Variants in DIAPH3 observed in about 807,000 individuals in gnomAD.
DIAPH3 encodes the protein diaphanous related formin 3.
DIAPH3 carries 117 observed loss-of-function variants against 144.3 expected under a neutral mutation model. That is an observed-to-expected ratio of 0.81 (90% CI 0.70 to 0.95). The LOEUF (loss-of-function observed/expected upper bound fraction) is 0.95. Among genes scored for constraint, DIAPH3 ranks in the 40% least tolerant of loss-of-function variants. The pLI is 0.00. For synonymous variants in DIAPH3, 519 were observed against 488.9 expected, an observed-to-expected ratio of 1.06 and a Z score of -0.81; for missense variants, 1,421 against 1,412.7, an observed-to-expected ratio of 1.01 and a Z score of -0.09.
intron 27 of DIAPH3, among the ~76,000 whole-genome samples, chr13:59,767,002 T>C (rs1176680967): frequency 6.6e-6 from 1 of 152,164 alleles, no homozygotes; most frequent in Non-Finnish European, 1.5e-5. Flanking sequence ...CCAACTTCTT[T>C]GTCACTGGTG....
chr13:59,931,710 A>G (rs2048028029), intron 17 of DIAPH3, among the ~76,000 whole-genome samples: 1 of 152,202 alleles, frequency 6.6e-6, no homozygotes, highest in African/African-American at 2.4e-5. Context: ...TAAAGAGGAT[A>G]CTCAGGCTTA....
intron 5 of DIAPH3, among the ~76,000 whole-genome samples, chr13:60,039,257 G>C (rs951421611): frequency 2.0e-5 from 3 of 151,870 alleles, no homozygotes; most frequent in Non-Finnish European, 1.5e-5. Flanking sequence ...GAGCCAAGAG[G>C]GGAGAGCTAA....
At chr13:59,684,045 G>A (rs1325238397) in intron 27 of DIAPH3, among the ~76,000 whole-genome samples, 1 of 151,750 alleles carries the variant, frequency 6.6e-6, no homozygotes, top group Admixed American at 6.6e-5. Context: ...CATTCTGCAG[G>A]GGGAGGAAAA....
At chr13:59,796,176 C>T (rs341555) in intron 25 of DIAPH3, among the ~76,000 whole-genome samples, 21,252 of 152,028 alleles carry the variant, frequency 0.14, 1,710 homozygotes, top group East Asian at 0.38. Context: ...GCTTATGGGG[C>T]GTAAATGGTG....
intron 4 of DIAPH3, among the ~76,000 whole-genome samples, chr13:60,078,498 G>C (rs937871293): frequency 2.0e-5 from 3 of 151,988 alleles, no homozygotes; most frequent in Non-Finnish European, 4.4e-5. Context: ...GAGGGAATAT[G>C]GTTAAGTTCA....
At chr13:60,103,037 T>G (rs2058316639) in intron 3 of DIAPH3, among the ~76,000 whole-genome samples, 2 of 151,978 alleles carry the variant, frequency 1.3e-5, no homozygotes, top group Non-Finnish European at 1.5e-5. Context: ...GGCCAGAAGT[T>G]CCCACACACC....
At position 59,974,441 on chromosome 13, in the gene DIAPH3, TAAACTCTTTTTC is replaced by T; in HGVS notation, c.1549_1560del (p.Glu517_Phe520del). 6.2e-7 allele frequency: 1 copy of T among 1,610,450 alleles called. No individual in the cohort carries two copies. The highest frequency in any genetic ancestry group is 8.5e-7 in the Non-Finnish European group (1 of 1,179,040). On this transcript the variant is annotated inframe_deletion, in exon 15 of 28. Coordinates refer to ENST00000400324, the MANE Select transcript of DIAPH3 (RefSeq NM_001042517.2). Reference sequence around the variant, plus strand: ...TCAGCCTGAGTTTCTTGGTGGTCGGTAAACTCTTTTTCAAACTGAAACAAATTAAAAATAATA... The same window carrying T: ...TCAGCCTGAGTTTCTTGGTGGTCGGTAAACTGAAACAAATTAAAAATAATA...
intron 1 of DIAPH3, among the ~76,000 whole-genome samples, chr13:60,138,331 C>G (rs139959381): frequency 1.1e-4 from 17 of 152,308 alleles, no homozygotes; most frequent in African/African-American, 4.1e-4. Context: ...AAACCCTACT[C>G]CATACTCCAC....
intron 27 of DIAPH3, among the ~76,000 whole-genome samples, chr13:59,731,972 C>T (rs543036447): frequency 6.6e-6 from 1 of 152,196 alleles, no homozygotes; most frequent in Non-Finnish European, 1.5e-5. Flanking sequence ...AGAACTGATT[C>T]ACTGTGCTAA....
At chr13:59,733,231 T>C (rs956881662) in intron 27 of DIAPH3, among the ~76,000 whole-genome samples, 3 of 152,168 alleles carry the variant, frequency 2.0e-5, no homozygotes, top group African/African-American at 7.2e-5. Context: ...TTAAAAAGTG[T>C]TTAACAGATA....
At chr13:60,041,944 T>C (rs989854760) in intron 5 of DIAPH3, among the ~76,000 whole-genome samples, 1 of 152,134 alleles carries the variant, frequency 6.6e-6, no homozygotes, top group African/African-American at 2.4e-5. Flanking sequence ...ACAATTAACA[T>C]ACATGATATA....
chr13:59,852,233 G>T (rs1189138765), intron 22 of DIAPH3, among the ~76,000 whole-genome samples: 1 of 152,116 alleles, frequency 6.6e-6, no homozygotes, highest in African/African-American at 2.4e-5. Flanking sequence ...CTCTTCTGAG[G>T]GGAGAAAGGA....
intron 22 of DIAPH3, among the ~76,000 whole-genome samples, chr13:59,854,465 C>T (rs1317641563): frequency 6.6e-6 from 1 of 152,100 alleles, no homozygotes; most frequent in African/African-American, 2.4e-5. Flanking sequence ...ATCTCCATAC[C>T]TCTTCCCCCA....
intron 15 of DIAPH3, among the ~76,000 whole-genome samples, chr13:59,974,069 T>C (rs1299682925): frequency 1.3e-5 from 2 of 152,048 alleles, no homozygotes; most frequent in East Asian, 3.8e-4. Flanking sequence ...AATCTGAGAG[T>C]AAAAGATTTT....
At chr13:59,799,246 G>A (rs967087163) in intron 25 of DIAPH3, among the ~76,000 whole-genome samples, 12 of 152,042 alleles carry the variant, frequency 7.9e-5, no homozygotes, top group Middle Eastern at 3.2e-3. Flanking sequence ...GAACCAGAAA[G>A]AGGGCATATG....
At chr13:59,783,386 C>T (rs1178839673) in intron 25 of DIAPH3, among the ~76,000 whole-genome samples, 1 of 152,118 alleles carries the variant, frequency 6.6e-6, no homozygotes, top group Non-Finnish European at 1.5e-5. Flanking sequence ...TGGATCTAGA[C>T]AGGAGCTCAA....
At chr13:59,915,983 G>A (rs2047198983) in intron 19 of DIAPH3, among the ~76,000 whole-genome samples, 172 bp downstream of exon 19, 1 of 152,130 alleles carries the variant, frequency 6.6e-6, no homozygotes, top group African/African-American at 2.4e-5. Context: ...GCAGTTAAGA[G>A]AAGATGCAGC....
intron 12 of DIAPH3, among the ~76,000 whole-genome samples, chr13:59,984,122 A>C (rs2051219267): frequency 6.6e-6 from 1 of 151,658 alleles, no homozygotes; most frequent in African/African-American, 2.4e-5. Flanking sequence ...AGTATCCCTT[A>C]ATTTTCTTAT....
intron 5 of DIAPH3, among the ~76,000 whole-genome samples, chr13:60,024,752 T>C (rs956511515): frequency 1.3e-5 from 2 of 152,212 alleles, no homozygotes; most frequent in East Asian, 1.9e-4. Context: ...AAGCTTCCTA[T>C]GACACAGCTC....
Sources: allele counts gnomAD v4.1 joint callset (sites outside exome capture counted in the v4.1 genomes callset), GRCh38; gene constraint gnomAD v4.1.1; transcripts MANE v1.5; gene names NCBI Gene and HGNC (gene_info 2026-07-23, HGNC 2026-07-21).